LHFPL5: variants seen among roughly 807,000 people sequenced by gnomAD.
LHFPL5 encodes the protein LHFPL tetraspan subfamily member 5, also known as LHFPL tetraspan subfamily member 5 protein.
In LHFPL5, 12 loss-of-function variants were observed where a neutral mutation model predicts 18.7. That is an observed-to-expected ratio of 0.64 (90% CI 0.41 to 1.04). The LOEUF is 1.04. Among genes scored for constraint, LHFPL5 ranks in the 50% least tolerant of loss-of-function variants. The pLI, the probability that LHFPL5 is intolerant of heterozygous loss-of-function variation, is 0.00. For synonymous variants in LHFPL5, 111 were observed against 120.2 expected (o/e 0.92, Z 0.50); for missense variants, 259 against 292.1 (o/e 0.89, Z 0.83).
intron 3 of LHFPL5, among the ~76,000 whole-genome samples, chr6:35,821,681 A>C (rs183630769): frequency 6.6e-6 from 1 of 151,714 alleles, no homozygotes; most frequent in Non-Finnish European, 1.5e-5. Context: ...GGGTTTCTCC[A>C]TGTTGGTCAT....
intron 1 of LHFPL5, among the ~76,000 whole-genome samples, chr6:35,810,749 C>A (rs1225858057): frequency 2.1e-4 from 32 of 150,918 alleles, no homozygotes; most frequent in Non-Finnish European, 2.9e-5. Flanking sequence ...ATGGCGTGAA[C>A]CCAGGAGGCA....
chr6:35,816,348 A>AC (rs1219079021), intron 2 of LHFPL5, among the ~76,000 whole-genome samples: 40 of 149,856 alleles, frequency 2.7e-4, no homozygotes, highest in Admixed American at 2.3e-3. Context: ...TCCGTCTCAA[A>AC]AAAAAAAAAA....
chr6:35,818,324 TA>T, intron 2 of LHFPL5, among the ~76,000 whole-genome samples: 1 of 2,474 alleles, frequency 4.0e-4, no homozygotes, highest in Non-Finnish European at 6.8e-3. Context: ...AAAAGCCATA[TA>T]TATATATATA....
At position 35,806,094 on chromosome 6, in the gene LHFPL5, T is replaced by C; in HGVS notation, c.412+12T>C. ...GCAGCTGGCTGCGGGTAAGCAGAGA[T>C]GGTGGGAGGGCAGGCAGGGGCCCAC... On this transcript the variant is annotated intron_variant, in intron 1 of 3. Transcript: ENST00000360215. 1.9e-6 allele frequency: 3 copies of C among 1,613,228 alleles called. No homozygotes were observed. Among genetic ancestry groups the C allele is most frequent in the Non-Finnish European group, 2.5e-6 (3 of 1,179,898 alleles).
chr6:35,819,581 T>G (rs1395137905), intron 3 of LHFPL5, 118 bp downstream of exon 3: 2 of 985,418 alleles, frequency 2.0e-6, no homozygotes, highest in African/African-American at 3.2e-5. Context: ...GCTGTGATGC[T>G]GCTTGGGGAG....
At chr6:35,810,969 C>T (rs1037646734) in intron 1 of LHFPL5, among the ~76,000 whole-genome samples, 3 of 152,116 alleles carry the variant, frequency 2.0e-5, no homozygotes, top group Non-Finnish European at 4.4e-5. Context: ...GCTTATGGTC[C>T]GTGCCAACCG....
intron 3 of LHFPL5, among the ~76,000 whole-genome samples, chr6:35,821,309 A>G (rs1768861918): frequency 6.6e-6 from 1 of 151,922 alleles, no homozygotes; most frequent in Admixed American, 6.6e-5. Flanking sequence ...GTCTCAAAAA[A>G]AAAAAAAAAA....
intron 1 of LHFPL5, among the ~76,000 whole-genome samples, chr6:35,810,842 A>AAG (rs1768654163): frequency 6.6e-6 from 1 of 151,346 alleles, no homozygotes; most frequent in African/African-American, 2.4e-5. Flanking sequence ...AAAAAAAAAA[A>AAG]AAGAAAGAAA....
chr6:35,820,659 C>T (rs1232783679), intron 3 of LHFPL5, among the ~76,000 whole-genome samples: 1 of 151,608 alleles, frequency 6.6e-6, no homozygotes, highest in South Asian at 2.1e-4. Flanking sequence ...GAGATCGTGC[C>T]ACTGCACTCC....
In LHFPL5 at chr6:35,805,358, A is replaced by T; in HGVS notation, c.-313A>T. 1 of 343,186 alleles carries T rather than the reference A, an allele frequency of 2.9e-6. No homozygotes were observed. The highest frequency in any genetic ancestry group is 5.4e-6 in the Non-Finnish European group (1 of 185,286). 21.3% of individuals were successfully genotyped at this position (343,186 alleles called of 1,614,324 possible). On this transcript the variant is annotated 5_prime_UTR_variant, in exon 1 of 4. Coordinates refer to ENST00000360215, the MANE Select transcript of LHFPL5 (RefSeq NM_182548.4). The surrounding 1 kb of genome is among the most constrained non-coding windows in gnomAD (Gnocchi z 4.3). Reference sequence around the variant, plus strand: ...CGGAGGAGGGGGCGGGGCTCTCGGGAGCCGTGAGCCGGGAAGAGGGAGACG... The same window carrying T: ...CGGAGGAGGGGGCGGGGCTCTCGGGTGCCGTGAGCCGGGAAGAGGGAGACG...
chr6:35,822,386 T>C (rs910333561), intron 3 of LHFPL5, among the ~76,000 whole-genome samples: 1 of 152,212 alleles, frequency 6.6e-6, no homozygotes, highest in Non-Finnish European at 1.5e-5. Context: ...TGACAATCAG[T>C]ACTATCTTAC....
intron 3 of LHFPL5, among the ~76,000 whole-genome samples, chr6:35,822,509 T>A (rs1182550568): frequency 1.3e-5 from 2 of 152,128 alleles, no homozygotes; most frequent in Non-Finnish European, 2.9e-5. Context: ...TTTGTTTTGT[T>A]TTTTGTAATT....
intron 2 of LHFPL5, among the ~76,000 whole-genome samples, chr6:35,818,219 C>A (rs763266445): frequency 6.6e-6 from 1 of 151,024 alleles, no homozygotes; most frequent in African/African-American, 2.4e-5. Context: ...GGAGGGGAAA[C>A]AAGAGTGATT....
intron 3 of LHFPL5, among the ~76,000 whole-genome samples, chr6:35,822,234 G>A (rs557993089): frequency 6.6e-6 from 1 of 152,068 alleles, no homozygotes; most frequent in South Asian, 2.1e-4. Context: ...GACATTTAGG[G>A]TTGCTATCAT....
intron 3 of LHFPL5, among the ~76,000 whole-genome samples, chr6:35,822,516 A>G (rs1581977131): frequency 1.3e-5 from 2 of 151,854 alleles, no homozygotes; most frequent in African/African-American, 4.8e-5. Flanking sequence ...TGTTTTTTGT[A>G]ATTTATTTTG....
rs986798450 is a variant in LHFPL5 at position 35,811,803 on chromosome 6, G to T, written c.413-2743G>T. Reference sequence around the variant, plus strand: ...GCTACGTAGGTTTCACCACGGAGCTGTGGATGGCTCCCTCTCCTCCACCGT... The same window carrying T: ...GCTACGTAGGTTTCACCACGGAGCTTTGGATGGCTCCCTCTCCTCCACCGT... On this transcript the variant is annotated intron_variant, in intron 1 of 3. Transcript: ENST00000360215. Among the ~76,000 whole-genome samples, 4 of 152,250 alleles carry T rather than the reference G, an allele frequency of 2.6e-5. No homozygotes were observed. The South Asian group carries it at 8.3e-4, about 31-fold the overall frequency.
chr6:35,820,496 C>T (rs539094403), intron 3 of LHFPL5, among the ~76,000 whole-genome samples: 67 of 151,954 alleles, frequency 4.4e-4, no homozygotes, highest in African/African-American at 1.4e-3. Flanking sequence ...GTCAGGAGAT[C>T]GAGACCATCC....
At chr6:35,821,857 ATTTTTT>A (rs763639486) in intron 3 of LHFPL5, among the ~76,000 whole-genome samples, 704 of 39,000 alleles carry the variant, frequency 0.018, 2 homozygotes, top group African/African-American at 0.052. Flanking sequence ...GTGTACCACA[ATTTTTT>A]TTTTTTTTTT....
At chr6:35,815,198 G>T (rs1044645890) in intron 2 of LHFPL5, among the ~76,000 whole-genome samples, 1 of 152,034 alleles carries the variant, frequency 6.6e-6, no homozygotes, top group African/African-American at 2.4e-5. Context: ...GCCAATGAGG[G>T]TGCAGAAGTG....
Sources: gnomAD v4.1 joint callset for allele counts (sites outside exome capture counted in the v4.1 genomes callset) on GRCh38, gnomAD v4.1.1 for gene constraint, Gnocchi (gnomAD v3.1) non-coding constraint, MANE v1.5 for transcripts, NCBI Gene and HGNC (gene_info 2026-07-23, HGNC 2026-07-21) for gene names.